SCD5: variants seen among roughly 807,000 people sequenced by gnomAD.
The protein encoded by SCD5 is acyl-CoA-desaturase 4.
In SCD5, 20 loss-of-function variants were observed where a neutral mutation model predicts 30.4. The observed-to-expected ratio is 0.66, with a 90% CI of 0.46 to 0.96. The LOEUF (loss-of-function observed/expected upper bound fraction) is 0.96, where lower values mean the gene tolerates loss of function less well. Ranked by LOEUF, SCD5 falls within the 40% of genes least tolerant of loss-of-function variation. The pLI is 0.00. For synonymous variants in SCD5, 173 were observed against 176.4 expected (o/e 0.98, Z 0.16); for missense variants, 381 against 443.3 (o/e 0.86, Z 1.26).
At chr4:82,778,645 C>T (rs1721804055) in intron 1 of SCD5, among the ~76,000 whole-genome samples, 1 of 152,180 alleles carries the variant, frequency 6.6e-6, no homozygotes, top group Non-Finnish European at 1.5e-5. Context: ...CAAGAACAAG[C>T]TCTCCTCAAA....
In SCD5 at chr4:82,798,590, C is replaced by G. The variant is rs1022268101; in HGVS notation, c.-53G>C. 18 of 1,473,696 alleles carry G rather than the reference C, an allele frequency of 1.2e-5. No homozygotes were observed. In the Admixed American group the frequency reaches 3.1e-4, roughly 25 times the overall value. 91.3% of individuals were successfully genotyped at this position (1,473,696 alleles called of 1,614,324 possible). A position where few individuals can be genotyped will look rare whatever the true frequency, so the allele number is the denominator to read the frequency against. On this transcript the variant is annotated 5_prime_UTR_variant, in exon 1 of 5. Coordinates refer to ENST00000319540, the MANE Select transcript of SCD5 (RefSeq NM_001037582.3). ...GCGGCAGGCAGGCAGGCGCTCTGCC[C>G]GAGCGGAGCTCGAGGGTGGGGGCGG...
intron 1 of SCD5, among the ~76,000 whole-genome samples, chr4:82,745,726 T>G (rs1720968795): frequency 6.6e-6 from 1 of 152,230 alleles, no homozygotes; most frequent in Admixed American, 6.5e-5. Flanking sequence ...GATCATTTCA[T>G]GAATCACACC....
chr4:82,697,154 T>C (rs1031373057), intron 2 of SCD5, among the ~76,000 whole-genome samples: 2 of 152,198 alleles, frequency 1.3e-5, no homozygotes, highest in Admixed American at 6.5e-5. Context: ...AGCTTGAAAA[T>C]ATGTTTCCAA....
chr4:82,719,555 G>A (rs1317396800), intron 1 of SCD5, among the ~76,000 whole-genome samples: 2 of 150,110 alleles, frequency 1.3e-5, no homozygotes, highest in Non-Finnish European at 2.9e-5. Context: ...CCAGGCCGGA[G>A]TGCAGTGGCG....
chr4:82,667,654 A>G (rs868519111), intron 3 of SCD5, among the ~76,000 whole-genome samples: 34 of 152,294 alleles, frequency 2.2e-4, no homozygotes, highest in African/African-American at 7.0e-4. Context: ...CACAGTTCAC[A>G]CCTCTTTAGT....
chr4:82,789,251 C>G (rs1290098611), intron 1 of SCD5, among the ~76,000 whole-genome samples: 1 of 152,188 alleles, frequency 6.6e-6, no homozygotes, highest in Admixed American at 6.5e-5. Context: ...ATTTTAATAA[C>G]AGCCTTTTGT....
intron 1 of SCD5, among the ~76,000 whole-genome samples, chr4:82,745,489 C>T (rs139215921): frequency 1.7e-3 from 257 of 152,308 alleles, no homozygotes; most frequent in Non-Finnish European, 3.0e-3. Context: ...CAGAGAGGGT[C>T]TAACCCAATG....
intron 1 of SCD5, among the ~76,000 whole-genome samples, chr4:82,710,629 A>G (rs1328918227): frequency 6.6e-6 from 1 of 152,146 alleles, no homozygotes; most frequent in Non-Finnish European, 1.5e-5. Context: ...CCCTGGGTTG[A>G]GGAGGGGGAA....
chr4:82,791,722 G>A (rs1722102461), intron 1 of SCD5, among the ~76,000 whole-genome samples: 1 of 152,038 alleles, frequency 6.6e-6, no homozygotes. Flanking sequence ...GGAATGGGTA[G>A]ACTGTGTTCC....
At chr4:82,754,353 T>C (rs1312683961) in intron 1 of SCD5, among the ~76,000 whole-genome samples, 1 of 152,210 alleles carries the variant, frequency 6.6e-6, no homozygotes. Flanking sequence ...CTAAATCTTC[T>C]GAGAAAGCTC....
rs776669445 is a variant in SCD5 at position 82,636,580 on chromosome 4, C to A, written c.802+11G>T. 1.9e-6 allele frequency: 3 copies of A among 1,608,852 alleles called. No individual in the cohort carries two copies. The highest frequency in any genetic ancestry group is 2.5e-6 in the Non-Finnish European group (3 of 1,176,864). On this transcript the variant is annotated intron_variant, in intron 4 of 4. Transcript: ENST00000319540. ...CCATTCTCCCCATTGGCCCTCAACACCCCTACTCACCAATGGCACCCAGAG... is the reference window on the plus strand; with the variant it reads ...CCATTCTCCCCATTGGCCCTCAACAACCCTACTCACCAATGGCACCCAGAG...
At chr4:82,635,078 T>C (rs1048626938) in intron 4 of SCD5, among the ~76,000 whole-genome samples, 1 of 152,248 alleles carries the variant, frequency 6.6e-6, no homozygotes, top group Non-Finnish European at 1.5e-5. Context: ...AGACCATTTC[T>C]ACTTAACAGT....
intron 1 of SCD5, among the ~76,000 whole-genome samples, chr4:82,763,220 G>A (rs1257415554): frequency 6.6e-6 from 1 of 152,092 alleles, no homozygotes; most frequent in Non-Finnish European, 1.5e-5. Flanking sequence ...CTTTTAAGAA[G>A]TGATTACGTG....
intron 1 of SCD5, among the ~76,000 whole-genome samples, chr4:82,796,709 C>A (rs1193662508): frequency 6.6e-6 from 1 of 152,126 alleles, no homozygotes; most frequent in South Asian, 2.1e-4. Flanking sequence ...GGTCACCAGG[C>A]TCTGAGGACC....
At chr4:82,779,103 G>A (rs935207990) in intron 1 of SCD5, among the ~76,000 whole-genome samples, 1 of 151,688 alleles carries the variant, frequency 6.6e-6, no homozygotes, top group East Asian at 1.9e-4. Flanking sequence ...GACCTCAGGT[G>A]ATCCACCCGC....
At chr4:82,749,671 T>G (rs1450524617) in intron 1 of SCD5, among the ~76,000 whole-genome samples, 1 of 152,192 alleles carries the variant, frequency 6.6e-6, no homozygotes. Flanking sequence ...ATCGTGAAAC[T>G]AGACTCAGAG....
At chr4:82,758,908 A>C (rs1238229298) in intron 1 of SCD5, among the ~76,000 whole-genome samples, 1 of 152,146 alleles carries the variant, frequency 6.6e-6, no homozygotes, top group Non-Finnish European at 1.5e-5. Flanking sequence ...CGAAACAACA[A>C]GCACATCCCC....
intron 3 of SCD5, among the ~76,000 whole-genome samples, chr4:82,671,160 C>T (rs952992186): frequency 3.9e-5 from 6 of 152,074 alleles, no homozygotes; most frequent in South Asian, 2.1e-4. Flanking sequence ...CATTACGTAA[C>T]GATATAGGGG....
intron 1 of SCD5, among the ~76,000 whole-genome samples, chr4:82,728,362 T>G (rs1401426989): frequency 6.6e-6 from 1 of 152,144 alleles, no homozygotes; most frequent in Admixed American, 6.5e-5. Context: ...AAAACTAAAT[T>G]GCCTTTGTAA....
Sources: allele counts gnomAD v4.1 joint callset (sites outside exome capture counted in the v4.1 genomes callset), GRCh38; gene constraint gnomAD v4.1.1; transcripts MANE v1.5; gene names NCBI Gene and HGNC (gene_info 2026-07-23, HGNC 2026-07-21).